The following ZNF571 variants were observed in gnomAD, a reference collection of about 807,000 sequenced individuals.
ZNF571 encodes zinc finger protein 571.
Under a neutral mutation model 7.7 loss-of-function variants are expected in ZNF571, and 4 were observed. That is an observed-to-expected ratio of 0.52 (90% CI 0.25 to 1.18). The LOEUF is 1.18. Among genes scored for constraint, ZNF571 ranks in the 50% most tolerant of loss-of-function variants. The probability of loss-of-function intolerance (pLI) is 0.14; values close to 1 mark genes in which losing one functional copy is unlikely to be tolerated. For synonymous variants in ZNF571, 251 were observed against 232.4 expected (o/e 1.08, Z -0.73); for missense variants, 704 against 726.9 (o/e 0.97, Z 0.36).
intron 3 of ZNF571, among the ~76,000 whole-genome samples, chr19:37,572,037 TATCA>T (rs1442839226): frequency 1.3e-5 from 2 of 152,220 alleles, no homozygotes; most frequent in Admixed American, 6.5e-5. Context: ...TAGTCCTATC[TATCA>T]ATCACATCAC....
At chr19:37,586,606 C>A in intron 2 of ZNF571, 62 bp downstream of exon 2, 1 of 1,593,364 alleles carries the variant, frequency 6.3e-7, no homozygotes, top group Non-Finnish European at 8.6e-7. Context: ...TGGGATAAAT[C>A]TGGTGTTCAC....
chr19:37,583,720 G>A (rs2043557826), intron 3 of ZNF571: 1 of 360,840 alleles, frequency 2.8e-6, no homozygotes, highest in South Asian at 4.2e-5. Flanking sequence ...AATGGTGCAT[G>A]GTCATGCTAG....
rs372297610 is a variant in ZNF571, at chr19:37,584,107, C to T, written c.10-10G>A. On this transcript the variant is annotated splice_polypyrimidine_tract_variant and intron_variant, in intron 2 of 3. Coordinates refer to ENST00000451802, the MANE Select transcript of ZNF571 (RefSeq NM_016536.5). ...TGAAAGTCACCAACAACTGAAACAA[C>T]AAATCCATTACAGGATGATTCTACA... The T allele has an allele frequency of 4.3e-5, 69 of 1,613,782 alleles. No homozygotes were observed. Among genetic ancestry groups the T allele is most frequent in the Non-Finnish European group, 7.6e-6 (9 of 1,179,896 alleles).
chr19:37,565,317 T>C lies in ZNF571; in HGVS notation c.1111A>G (p.Thr371Ala), dbSNP rs868351015. Residue 371 changes from threonine to alanine, a missense_variant, in exon 4 of 4, where the codon ACC becomes GCC. Transcript: ENST00000451802. The part of the protein sequence containing the change: ...KPYECKECGK[T>A]FFRGSQLTYH... ...GTAAGTTGTGAGCCACGAAAAAAGG[T>C]CTTCCCGCATTCTTTACATTCATAG... 2.5e-6 allele frequency: 4 copies of C among 1,611,500 alleles called. No homozygotes were observed. In the East Asian group the frequency reaches 8.9e-5, roughly 36 times the overall value.
intron 3 of ZNF571, among the ~76,000 whole-genome samples, chr19:37,572,473 A>G (rs2043096854): frequency 6.6e-6 from 1 of 152,180 alleles, no homozygotes; most frequent in South Asian, 2.1e-4. Flanking sequence ...GCCATTATCC[A>G]AATAGGATCT....
At chr19:37,574,485 T>C (rs1326530042) in intron 3 of ZNF571, among the ~76,000 whole-genome samples, 8 of 152,220 alleles carry the variant, frequency 5.3e-5, no homozygotes, top group Admixed American at 3.9e-4. Flanking sequence ...TATGCCACTC[T>C]ACCTAAAACT....
intron 1 of ZNF571, among the ~76,000 whole-genome samples, chr19:37,591,829 C>T (rs1336373745): frequency 6.6e-6 from 1 of 152,138 alleles, no homozygotes; most frequent in Non-Finnish European, 1.5e-5. Context: ...CAGGCGTGAG[C>T]CACCACACAT....
intron 2 of ZNF571, 177 bp from the exon 3 acceptor site, chr19:37,584,274 C>G (rs1330029427): frequency 1.4e-6 from 1 of 717,694 alleles, no homozygotes; most frequent in Non-Finnish European, 2.2e-6. Flanking sequence ...GATAAAACTT[C>G]CTCTGTACAA....
chr19:37,564,519 A>AGAAGCAAGATGTTCTACATTCATTATAG lies in ZNF571; in HGVS notation c.*51_*78dup. 1.5e-6 allele frequency: 2 copies of AGAAGCAAGATGTTCTACATTCATTATAG among 1,333,900 alleles called. No homozygotes were observed. The highest frequency in any genetic ancestry group is 2.3e-4 in the Middle Eastern group (1 of 4,394). 82.6% of individuals were successfully genotyped at this position (1,333,900 alleles called of 1,614,324 possible). Reference sequence around the variant, plus strand: ...TTCTAAGAATGAGCAGATTCTGAGCAGAAGCAAGATGTTCTACATTCATTA... The same window carrying AGAAGCAAGATGTTCTACATTCATTATAG: ...TTCTAAGAATGAGCAGATTCTGAGCAGAAGCAAGATGTTCTACATTCATTATAGGAAGCAAGATGTTCTACATTCATTA... On this transcript the variant is annotated 3_prime_UTR_variant, in exon 4 of 4. Transcript: ENST00000451802.
chr19:37,576,338 G>A (rs932832402), intron 3 of ZNF571, among the ~76,000 whole-genome samples: 1 of 151,966 alleles, frequency 6.6e-6, no homozygotes, highest in Non-Finnish European at 1.5e-5. Flanking sequence ...TTTGGTCCTG[G>A]CCTCTTTATT....
chr19:37,588,615 C>A (rs552618133), intron 1 of ZNF571, among the ~76,000 whole-genome samples: 3 of 152,198 alleles, frequency 2.0e-5, no homozygotes, highest in Non-Finnish European at 4.4e-5. Context: ...GTATCCTGCT[C>A]ACTACCTGGG....
chr19:37,571,858 C>T (rs1291828643), intron 3 of ZNF571, among the ~76,000 whole-genome samples: 1 of 152,168 alleles, frequency 6.6e-6, no homozygotes, highest in Non-Finnish European at 1.5e-5. Context: ...TTGCATCTAA[C>T]CTTTAAAAGT....
chr19:37,564,499 A>G lies in ZNF571; in HGVS notation c.*99T>C. On this transcript the variant is annotated 3_prime_UTR_variant, in exon 4 of 4. Coordinates refer to ENST00000451802, the MANE Select transcript of ZNF571 (RefSeq NM_016536.5). ...CATCCATGTTAATGTAGGCCTTCTA[A>G]GAATGAGCAGATTCTGAGCAGAAGC... The G allele has an allele frequency of 8.5e-7, 1 of 1,175,180 alleles. No homozygotes were observed. Among genetic ancestry groups the G allele is most frequent in the Non-Finnish European group, 1.1e-6 (1 of 881,124 alleles). 72.8% of individuals were successfully genotyped at this position (1,175,180 alleles called of 1,614,324 possible).
At chr19:37,578,895 A>C (rs924013883) in intron 3 of ZNF571, among the ~76,000 whole-genome samples, 11 of 152,142 alleles carry the variant, frequency 7.2e-5, no homozygotes, top group African/African-American at 2.7e-4. Context: ...AACAGATAAC[A>C]CTTGGCACCT....
chr19:37,593,159 G>T (rs982449844), intron 1 of ZNF571, among the ~76,000 whole-genome samples: 20 of 151,718 alleles, frequency 1.3e-4, no homozygotes, highest in African/African-American at 4.4e-4. Context: ...CAGCATCATG[G>T]TTATTTTAAA....
intron 3 of ZNF571, among the ~76,000 whole-genome samples, chr19:37,570,994 T>TTACACCAC: frequency 6.6e-6 from 1 of 152,218 alleles, no homozygotes; most frequent in East Asian, 1.9e-4. Context: ...TAACAGTATA[T>TTACACCAC]AGCCTATTTC....
At chr19:37,594,082 C>T (rs775159550) in intron 1 of ZNF571, 1 of 152,174 alleles carries the variant, frequency 6.6e-6, no homozygotes, top group Admixed American at 6.5e-5. Flanking sequence ...TAGGATAACA[C>T]CAACCTCTAG....
At chr19:37,590,659 C>T (rs1286995429) in intron 1 of ZNF571, among the ~76,000 whole-genome samples, 1 of 151,934 alleles carries the variant, frequency 6.6e-6, no homozygotes, top group African/African-American at 2.4e-5. Context: ...AATTAGCAAA[C>T]AAAAAAGCAA....
At chr19:37,570,804 T>C (rs8104282) in intron 3 of ZNF571, among the ~76,000 whole-genome samples, 39,762 of 152,062 alleles carry the variant, frequency 0.26, 6,357 homozygotes, top group Non-Finnish European at 0.37. Flanking sequence ...GAAGGCATTA[T>C]AGCATTCATA....
Sources: allele counts gnomAD v4.1 joint callset (sites outside exome capture counted in the v4.1 genomes callset), GRCh38; gene constraint gnomAD v4.1.1; transcripts MANE v1.5; gene names NCBI Gene and HGNC (gene_info 2026-07-23, HGNC 2026-07-21).